GRIP1: variants seen among roughly 807,000 people sequenced by gnomAD.
GRIP1 encodes the protein glutamate receptor-interacting protein 1.
Under a neutral mutation model 129.9 loss-of-function variants are expected in GRIP1, and 45 were observed. That is an observed-to-expected ratio of 0.35 (90% CI 0.27 to 0.44). The LOEUF (loss-of-function observed/expected upper bound fraction) is 0.44. Among genes scored for constraint, GRIP1 ranks in the 20% least tolerant of loss-of-function variants. GRIP1 has a pLI of 1.00. For synonymous variants in GRIP1, 530 were observed against 520.8 expected (o/e 1.02, Z -0.24); for missense variants, 1,196 against 1,396.8 (o/e 0.86, Z 2.29).
intron 1 of GRIP1, among the ~76,000 whole-genome samples, chr12:66,704,867 C>T (rs1433046590): frequency 6.6e-6 from 1 of 152,110 alleles, no homozygotes; most frequent in East Asian, 1.9e-4. Context: ...CAGCCTGTCT[C>T]TGAACCTTGA....
chr12:66,870,376 T>C (rs1429352684), intron 1 of GRIP1, among the ~76,000 whole-genome samples: 2 of 152,042 alleles, frequency 1.3e-5, no homozygotes, highest in African/African-American at 2.4e-5. Context: ...AAAAAATAGG[T>C]TTAAGAAATG....
intron 1 of GRIP1, among the ~76,000 whole-genome samples, chr12:66,710,673 A>G (rs2035683937): frequency 6.6e-6 from 1 of 151,942 alleles, no homozygotes; most frequent in African/African-American, 2.4e-5. Flanking sequence ...CCCATCATGC[A>G]CTTTGCAAGA....
chr12:66,486,079 A>G (rs1282341002), intron 7 of GRIP1, among the ~76,000 whole-genome samples: 1 of 151,984 alleles, frequency 6.6e-6, no homozygotes, highest in Non-Finnish European at 1.5e-5. Flanking sequence ...GTTCTTTAAG[A>G]CTGCCCTGAC....
chr12:66,488,474 AATGTT>A (rs1454259489), intron 7 of GRIP1, among the ~76,000 whole-genome samples: 1 of 152,298 alleles, frequency 6.6e-6, no homozygotes, highest in East Asian at 1.9e-4. Context: ...CAGCTAAAGT[AATGTT>A]AAGAAGAAAG....
intron 1 of GRIP1, among the ~76,000 whole-genome samples, chr12:66,941,343 C>G (rs1185770445): frequency 6.6e-6 from 1 of 152,144 alleles, no homozygotes; most frequent in African/African-American, 2.4e-5. Flanking sequence ...GTCTTCTAGG[C>G]CACACTGGAA....
chr12:66,512,496 T>C (rs12099548), intron 7 of GRIP1, among the ~76,000 whole-genome samples: 68,448 of 150,328 alleles, frequency 0.46, 15,947 homozygotes, highest in African/African-American at 0.52. Flanking sequence ...CTAAGAGTGA[T>C]AGAAAGCTAT....
chr12:66,370,517 G>A (rs1233618326), intron 23 of GRIP1, among the ~76,000 whole-genome samples: 3 of 152,102 alleles, frequency 2.0e-5, no homozygotes, highest in Admixed American at 2.0e-4. Context: ...GGTCTTTAGA[G>A]GAAAAAAGCG....
chr12:66,424,526 C>T (rs1345499136), intron 14 of GRIP1, among the ~76,000 whole-genome samples: 1 of 152,076 alleles, frequency 6.6e-6, no homozygotes, highest in East Asian at 1.9e-4. Context: ...TAGTTTCTCC[C>T]ACCTCTAGAC....
At chr12:66,727,451 T>G (rs1299828050) in intron 1 of GRIP1, among the ~76,000 whole-genome samples, 1 of 152,192 alleles carries the variant, frequency 6.6e-6, no homozygotes, top group East Asian at 1.9e-4. Flanking sequence ...ACTGGGTAGC[T>G]GCTGGTTGCA....
intron 1 of GRIP1, among the ~76,000 whole-genome samples, chr12:66,910,451 G>C (rs1324584518): frequency 1.3e-5 from 2 of 152,142 alleles, no homozygotes; most frequent in Non-Finnish European, 2.9e-5. Flanking sequence ...CTGAAGCCAT[G>C]GTATGACCAC....
intron 13 of GRIP1, among the ~76,000 whole-genome samples, chr12:66,439,317 T>C (rs1226623740): frequency 6.6e-6 from 1 of 152,248 alleles, no homozygotes; most frequent in Non-Finnish European, 1.5e-5. Flanking sequence ...TAAGTCTTGC[T>C]GGACCTTCTC....
At chr12:67,052,211 T>C (rs1054938135) in intron 1 of GRIP1, among the ~76,000 whole-genome samples, 13 of 152,358 alleles carry the variant, frequency 8.5e-5, no homozygotes, top group African/African-American at 2.6e-4. Context: ...AATATTTATT[T>C]TAGCATGAGA....
intron 1 of GRIP1, among the ~76,000 whole-genome samples, chr12:67,018,971 AC>A (rs1555165530): frequency 6.6e-6 from 1 of 152,078 alleles, no homozygotes; most frequent in Non-Finnish European, 1.5e-5. Flanking sequence ...ACTCAGGGAT[AC>A]AGTTTAAAAT....
At chr12:66,730,913 A>G (rs2036416716) in intron 1 of GRIP1, among the ~76,000 whole-genome samples, 1 of 152,156 alleles carries the variant, frequency 6.6e-6, no homozygotes, top group African/African-American at 2.4e-5. Flanking sequence ...CATTCTATCA[A>G]TAGAATATTC....
chr12:67,064,542 G>C (rs1233670916), intron 1 of GRIP1, among the ~76,000 whole-genome samples: 1 of 152,184 alleles, frequency 6.6e-6, no homozygotes. Context: ...CATGGTGCCT[G>C]AAACAAAGCA....
intron 1 of GRIP1, among the ~76,000 whole-genome samples, chr12:67,041,310 A>T (rs1369697813): frequency 3.9e-5 from 6 of 152,098 alleles, no homozygotes; most frequent in Non-Finnish European, 7.3e-5. Context: ...ACATATATTT[A>T]TATATACACG....
At chr12:66,642,972 T>C (rs1272484681) in intron 1 of GRIP1, among the ~76,000 whole-genome samples, 23 of 152,166 alleles carry the variant, frequency 1.5e-4, no homozygotes, top group Admixed American at 1.5e-3. Context: ...TAACAAAATA[T>C]ATTCTAGACA....
chr12:66,787,641 C>T (rs2038395477), intron 1 of GRIP1, among the ~76,000 whole-genome samples: 1 of 152,112 alleles, frequency 6.6e-6, no homozygotes, highest in Admixed American at 6.6e-5. Flanking sequence ...TTCCTTCTGT[C>T]ATGTAAGGAC....
chr12:67,035,875 T>C (rs983979033), intron 1 of GRIP1, among the ~76,000 whole-genome samples: 1 of 152,198 alleles, frequency 6.6e-6, no homozygotes, highest in Non-Finnish European at 1.5e-5. Flanking sequence ...TTCTTAGTGC[T>C]GTACCTCCTT....
Sources: allele counts gnomAD v4.1 joint callset (sites outside exome capture counted in the v4.1 genomes callset), GRCh38; gene constraint gnomAD v4.1.1; transcripts MANE v1.5; gene names NCBI Gene and HGNC (gene_info 2026-07-23, HGNC 2026-07-21).